CACNA2D3: variants seen among roughly 807,000 people sequenced by gnomAD.
CACNA2D3 encodes voltage-dependent calcium channel subunit alpha-2/delta-3.
CACNA2D3 carries 60 observed loss-of-function variants against 160.6 expected under a neutral mutation model. The ratio of observed to expected loss-of-function variants is 0.37; its 90% CI spans 0.30 to 0.46. CACNA2D3 has a LOEUF of 0.46. Ranked by LOEUF, CACNA2D3 falls within the 20% of genes least tolerant of loss-of-function variation. CACNA2D3 has a pLI of 1.00. For synonymous variants in CACNA2D3, 558 were observed against 492.9 expected (o/e 1.13, Z -1.75); for missense variants, 1,205 against 1,365.0 (o/e 0.88, Z 1.85).
At chr3:54,437,340 T>C (rs191674585) in intron 4 of CACNA2D3, among the ~76,000 whole-genome samples, 96 of 152,372 alleles carry the variant, frequency 6.3e-4, no homozygotes, top group African/African-American at 2.3e-3. Flanking sequence ...TTACAGGCAA[T>C]GCACAATGGG....
At chr3:54,910,716 C>G (rs1320769713) in intron 27 of CACNA2D3, among the ~76,000 whole-genome samples, 1 of 152,130 alleles carries the variant, frequency 6.6e-6, no homozygotes. Context: ...CCTTACTTGC[C>G]TATTCAGTGT....
chr3:54,215,949 T>G (rs1701454548), intron 2 of CACNA2D3, among the ~76,000 whole-genome samples: 1 of 152,102 alleles, frequency 6.6e-6, no homozygotes. Flanking sequence ...GTGGAAGGTA[T>G]GCATGTGTAT....
chr3:54,960,868 T>A (rs2107045952), intron 27 of CACNA2D3, among the ~76,000 whole-genome samples: 1 of 152,346 alleles, frequency 6.6e-6, no homozygotes. Context: ...AAATTGTTAT[T>A]CATGTGGTAA....
Position 54,479,775 on chromosome 3 carries a change from C to G in CACNA2D3, c.382-23717C>G, listed in dbSNP as rs370720056. On this transcript the variant is annotated intron_variant, in intron 4 of 37. Coordinates refer to ENST00000474759, the MANE Select transcript of CACNA2D3 (RefSeq NM_018398.3). Reference sequence around the variant, plus strand: ...CACTTATCAAATATGTGGCCAAACACTTGAAAGCAAATGATTAAATGATGT... The same window carrying G: ...CACTTATCAAATATGTGGCCAAACAGTTGAAAGCAAATGATTAAATGATGT... Among the ~76,000 whole-genome samples the G allele has an allele frequency of 3.8e-4, 58 of 152,310 alleles. 1 individual carries two copies. The South Asian group carries it at 0.012, about 32-fold the overall frequency.
chr3:54,754,627 T>C (rs1701937364), intron 12 of CACNA2D3, among the ~76,000 whole-genome samples: 2 of 152,056 alleles, frequency 1.3e-5, no homozygotes, highest in South Asian at 4.1e-4. Context: ...TCCTTTGATG[T>C]TTGAAAAAAT....
rs1007765221 is a variant in CACNA2D3 at position 54,488,808 on chromosome 3, G to A, written c.382-14684G>A. Among the ~76,000 whole-genome samples the A allele has an allele frequency of 3.9e-5, 6 of 152,210 alleles. No individual in the cohort carries two copies. In the South Asian group the frequency reaches 1.0e-3, roughly 26 times the overall value. ...CTGTAGAGCAGAGGCCCTATCAACT[G>A]AGTAATCACTCAGATAAGTGTGCGA... is the stretch of plus-strand genomic sequence containing the variant. On this transcript the variant is annotated intron_variant, in intron 4 of 37. Coordinates refer to ENST00000474759, the MANE Select transcript of CACNA2D3 (RefSeq NM_018398.3).
intron 4 of CACNA2D3, among the ~76,000 whole-genome samples, chr3:54,454,318 A>G (rs2106825037): frequency 1.3e-5 from 2 of 152,282 alleles, no homozygotes; most frequent in South Asian, 4.2e-4. Context: ...CATCAAAATC[A>G]TTACAAACGA....
chr3:55,037,535 C>T (rs1312150007), intron 35 of CACNA2D3, among the ~76,000 whole-genome samples: 3 of 151,984 alleles, frequency 2.0e-5, no homozygotes, highest in Admixed American at 6.6e-5. Context: ...GAGGGCGGGC[C>T]GAAGATAAAC....
At chr3:54,564,027 T>TAA (rs1326904235) in intron 6 of CACNA2D3, among the ~76,000 whole-genome samples, 2 of 152,220 alleles carry the variant, frequency 1.3e-5, no homozygotes, top group Non-Finnish European at 2.9e-5. Flanking sequence ...AGTGGACGAT[T>TAA]AAAGTTCCAG....
intron 4 of CACNA2D3, among the ~76,000 whole-genome samples, chr3:54,413,999 A>G (rs1229854829): frequency 6.6e-6 from 1 of 151,218 alleles, no homozygotes; most frequent in African/African-American, 2.4e-5. Context: ...TGATTTGTAT[A>G]CATTTACTTA....
intron 11 of CACNA2D3, among the ~76,000 whole-genome samples, chr3:54,662,188 G>T (rs761885746): frequency 2.6e-5 from 4 of 152,132 alleles, no homozygotes; most frequent in Admixed American, 6.5e-5. Context: ...GTATGTGTGT[G>T]TGTTTTTTAT....
chr3:54,490,484 A>G (rs1423358088), intron 4 of CACNA2D3, among the ~76,000 whole-genome samples: 1 of 152,226 alleles, frequency 6.6e-6, no homozygotes. Flanking sequence ...CTAAATTGCC[A>G]GGGAGAGAGT....
At position 55,043,986 on chromosome 3, in the gene CACNA2D3, A is replaced by T. The variant is rs1704018546; in HGVS notation, c.2987+25669A>T. On this transcript the variant is annotated intron_variant, in intron 35 of 37. Coordinates refer to ENST00000474759, the MANE Select transcript of CACNA2D3 (RefSeq NM_018398.3). The stretch of plus-strand genomic sequence containing the variant: ...TATCTATGTGTCTGTCTTTTCTCTA[A>T]TATAAAACCGTCTTGATTATTATAG... Among the ~76,000 whole-genome samples, 3 of 152,164 alleles carry T rather than the reference A, an allele frequency of 2.0e-5. No individual in the cohort carries two copies. In the South Asian group the frequency reaches 6.2e-4, roughly 31 times the overall value.
chr3:54,954,266 T>C (rs1193659325), intron 27 of CACNA2D3, among the ~76,000 whole-genome samples: 3 of 152,328 alleles, frequency 2.0e-5, no homozygotes, highest in African/African-American at 7.2e-5. Context: ...GGCAGCTCCC[T>C]GGGCCTCACT....
rs1302833943 is a variant in CACNA2D3 at position 54,770,049 on chromosome 3, G to A, written c.1380+5698G>A. On this transcript the variant is annotated intron_variant, in intron 13 of 37. Transcript: ENST00000474759. ...ACAAGGAAAGGGAAATACGGTAGCA[G>A]CCCCCTTCACCCTTTGCCCATTTGC... Among the ~76,000 whole-genome samples the A allele has an allele frequency of 2.0e-5, 3 of 152,136 alleles. No homozygotes were observed. In the East Asian group the frequency reaches 5.8e-4, roughly 29 times the overall value.
chr3:54,486,426 A>C (rs1035754363), intron 4 of CACNA2D3, among the ~76,000 whole-genome samples: 41 of 152,324 alleles, frequency 2.7e-4, no homozygotes, highest in Non-Finnish European at 5.9e-5. Flanking sequence ...AGTGTTGCTG[A>C]ACACTTTCTC....
intron 11 of CACNA2D3, among the ~76,000 whole-genome samples, chr3:54,737,328 T>C (rs771143919): frequency 2.6e-5 from 4 of 151,908 alleles, no homozygotes; most frequent in African/African-American, 7.3e-5. Flanking sequence ...GGGGGACTTA[T>C]GATAGATAAG....
At chr3:54,141,520 GAGA>G (rs1699935102) in intron 2 of CACNA2D3, among the ~76,000 whole-genome samples, 3 of 152,220 alleles carry the variant, frequency 2.0e-5, no homozygotes, top group Admixed American at 6.5e-5. Flanking sequence ...AAGAGAGGAA[GAGA>G]AGGAGAGGCA....
At chr3:54,387,038 C>T (rs1326228715) in intron 4 of CACNA2D3, among the ~76,000 whole-genome samples, 2 of 152,160 alleles carry the variant, frequency 1.3e-5, no homozygotes, top group African/African-American at 4.8e-5. Flanking sequence ...GGAGTTAAAT[C>T]GGTCAACTGA....
Sources: gnomAD v4.1 joint callset for allele counts (sites outside exome capture counted in the v4.1 genomes callset) on GRCh38, gnomAD v4.1.1 for gene constraint, MANE v1.5 for transcripts, NCBI Gene and HGNC (gene_info 2026-07-23, HGNC 2026-07-21) for gene names.